The following SLC27A2 variants were observed in gnomAD, a reference collection of about 807,000 sequenced individuals.
SLC27A2 encodes the protein long-chain fatty acid transport protein 2.
A neutral mutation model predicts 60.0 loss-of-function variants in SLC27A2; 54 were observed. The ratio of observed to expected loss-of-function variants is 0.90; its 90% CI spans 0.72 to 1.13. The LOEUF is 1.13. SLC27A2 is among the 50% of genes most tolerant of loss of function. The pLI, the probability that SLC27A2 is intolerant of heterozygous loss-of-function variation, is 0.00. For missense variants in SLC27A2, 739 were observed against 777.6 expected (o/e 0.95, Z 0.59); for synonymous variants, 297 against 297.6 (o/e 1.00, Z 0.02).
At chr15:50,196,061 A>AT (rs2045014266) in intron 1 of SLC27A2, among the ~76,000 whole-genome samples, 4 of 16,716 alleles carry the variant, frequency 2.4e-4, no homozygotes, top group Non-Finnish European at 4.8e-4. Context: ...CTCAAAAAAA[A>AT]AAAAAAAAAA....
intron 4 of SLC27A2, among the ~76,000 whole-genome samples, chr15:50,218,463 G>A (rs1437403346): frequency 1.3e-5 from 2 of 152,108 alleles, no homozygotes; most frequent in South Asian, 2.1e-4. Flanking sequence ...GGCTAATGGA[G>A]TAGCCAATAA....
rs958468385 is a variant in SLC27A2 at position 50,182,236 on chromosome 15, C to A, written c.-192C>A. The A allele has an allele frequency of 9.8e-6, 9 of 915,496 alleles. No homozygotes were observed. The highest frequency in any genetic ancestry group is 1.8e-5 in the African/African-American group (1 of 57,024). 56.7% of individuals were successfully genotyped at this position (915,496 alleles called of 1,614,324 possible). ...CCCCGGCAACGCGCATACGACTACA[C>A]CTGCTCCGGAGCCCGCGGCGGTACC... On this transcript the variant is annotated 5_prime_UTR_variant, in exon 1 of 10. Coordinates refer to ENST00000267842, the MANE Select transcript of SLC27A2 (RefSeq NM_003645.4).
intron 2 of SLC27A2, among the ~76,000 whole-genome samples, chr15:50,200,342 C>T (rs1040738445): frequency 6.6e-6 from 1 of 152,108 alleles, no homozygotes; most frequent in African/African-American, 2.4e-5. Context: ...ACAGGAGGAT[C>T]ACTTGACCTG....
In SLC27A2 at chr15:50,229,057, T is replaced by C. The variant is rs1427842311; in HGVS notation, c.1555+15T>C. The stretch of plus-strand genomic sequence containing the variant: ...GCATGTGCCAGGTATATACAAGATA[T>C]GATCTGTACCTAACCCATAGAGTAA... On this transcript the variant is annotated intron_variant, in intron 8 of 9. Coordinates refer to ENST00000267842, the MANE Select transcript of SLC27A2 (RefSeq NM_003645.4). 2.0e-6 allele frequency: 3 copies of C among 1,487,718 alleles called. No homozygotes were observed. The highest frequency in any genetic ancestry group is 2.7e-6 in the Non-Finnish European group (3 of 1,102,276). 92.2% of individuals were successfully genotyped at this position (1,487,718 alleles called of 1,614,324 possible). A position where few individuals can be genotyped will look rare whatever the true frequency, so the allele number is the denominator to read the frequency against.
chr15:50,209,332 T>C (rs772426451), intron 4 of SLC27A2, among the ~76,000 whole-genome samples: 26 of 151,956 alleles, frequency 1.7e-4, no homozygotes, highest in Non-Finnish European at 5.9e-5. Context: ...GTGGCCAATA[T>C]GACTGGGGCC....
chr15:50,217,045 A>G (rs1336641135), intron 4 of SLC27A2, among the ~76,000 whole-genome samples: 1 of 151,740 alleles, frequency 6.6e-6, no homozygotes, highest in Non-Finnish European at 1.5e-5. Context: ...GAGCTAAACT[A>G]TAAGGAAACA....
intron 6 of SLC27A2, 89 bp from the exon 7 acceptor site, chr15:50,226,891 G>C (rs2045282064): frequency 9.8e-7 from 1 of 1,025,480 alleles, no homozygotes; most frequent in Non-Finnish European, 1.4e-6. Flanking sequence ...CTTGTTGCCA[G>C]CAGGTTGTAT....
At chr15:50,224,699 CTTAAAT>C (rs1263733481) in intron 5 of SLC27A2, among the ~76,000 whole-genome samples, 2 of 152,192 alleles carry the variant, frequency 1.3e-5, no homozygotes, top group East Asian at 3.8e-4. Flanking sequence ...CATGTGGCTA[CTTAAAT>C]TTAAGTTATA....
chr15:50,229,790 A>C (rs16963451), intron 8 of SLC27A2, among the ~76,000 whole-genome samples: 22,104 of 152,208 alleles, frequency 0.15, 1,666 homozygotes, highest in Middle Eastern at 0.18. Flanking sequence ...TTCCAGCCTC[A>C]AAATTACTGT....
At chr15:50,220,452 C>G (rs914907001) in intron 4 of SLC27A2, among the ~76,000 whole-genome samples, 11 of 152,128 alleles carry the variant, frequency 7.2e-5, no homozygotes, top group African/African-American at 2.4e-4. Context: ...TAATCACCAT[C>G]CAATAGACAA....
rs1595691078 is a variant in SLC27A2 at position 50,222,953 on chromosome 15, C to T, written c.973-12C>T. The stretch of plus-strand genomic sequence containing the variant: ...TGTTTCAGTTTGGTCTCCTTCTTCT[C>T]CCCCACCACAGAAACCAAATGACCG... On this transcript the variant is annotated splice_polypyrimidine_tract_variant and intron_variant, in intron 4 of 9. Coordinates refer to ENST00000267842, the MANE Select transcript of SLC27A2 (RefSeq NM_003645.4). 1 of 1,594,608 alleles carries T rather than the reference C, an allele frequency of 6.3e-7. No homozygotes were observed. Among genetic ancestry groups the T allele is most frequent in the Non-Finnish European group, 8.5e-7 (1 of 1,169,824 alleles).
intron 1 of SLC27A2, among the ~76,000 whole-genome samples, chr15:50,191,846 G>T (rs1335962917): frequency 6.6e-6 from 1 of 152,180 alleles, no homozygotes; most frequent in African/African-American, 2.4e-5. Context: ...GATCACTTGA[G>T]GTTGGGAGTT....
intron 1 of SLC27A2, among the ~76,000 whole-genome samples, chr15:50,195,415 C>T (rs1247918848): frequency 2.0e-5 from 3 of 151,944 alleles, no homozygotes; most frequent in African/African-American, 4.8e-5. Context: ...GCTGTGAACC[C>T]GGGAGGCGGA....
chr15:50,204,176 A>G (rs940104958), intron 3 of SLC27A2, among the ~76,000 whole-genome samples: 14 of 152,238 alleles, frequency 9.2e-5, no homozygotes, highest in African/African-American at 3.4e-4. Context: ...AAAATATTGC[A>G]TGAATGGGCC....
At chr15:50,235,288 A>T (rs919801444) in intron 9 of SLC27A2, among the ~76,000 whole-genome samples, 2 of 152,190 alleles carry the variant, frequency 1.3e-5, no homozygotes, top group Non-Finnish European at 2.9e-5. Flanking sequence ...ATTGAAGGAA[A>T]AATCAGTCTT....
chr15:50,236,275 A>G lies in SLC27A2; in HGVS notation c.*179A>G. 2.1e-6 allele frequency: 1 copy of G among 483,946 alleles called. No homozygotes were observed. The highest frequency in any genetic ancestry group is 4.9e-5 in the South Asian group (1 of 20,234). 30.0% of individuals were successfully genotyped at this position (483,946 alleles called of 1,614,324 possible). ...TCTTTGCAAGTAAAAAGATTTAGAG[A>G]TTATTATTTTTCAGTGTGCACCTAC... On this transcript the variant is annotated 3_prime_UTR_variant, in exon 10 of 10. Transcript: ENST00000267842.
At chr15:50,196,565 T>C (rs1567428552) in intron 1 of SLC27A2, among the ~76,000 whole-genome samples, 1 of 152,176 alleles carries the variant, frequency 6.6e-6, no homozygotes, top group Non-Finnish European at 1.5e-5. Context: ...TAAGAACTTC[T>C]CAAGATAAGC....
In SLC27A2 at chr15:50,216,638, A is replaced by G. The variant is rs1454179574; in HGVS notation, c.973-6327A>G. Among the ~76,000 whole-genome samples, 38 of 128,416 alleles carry G rather than the reference A, an allele frequency of 3.0e-4. 1 individual carries two copies. The highest frequency in any genetic ancestry group is 4.9e-4 in the South Asian group (2 of 4,042). The allele number at this position is 128,416 out of a possible 152,430, so 84.2% of individuals were successfully genotyped here. ...TATATATATATATATATATATATAT[A>G]TATATATATATATATATAGTATAGT... On this transcript the variant is annotated intron_variant, in intron 4 of 9. Coordinates refer to ENST00000267842, the MANE Select transcript of SLC27A2 (RefSeq NM_003645.4).
At chr15:50,205,537 T>C (rs893389802) in intron 4 of SLC27A2, among the ~76,000 whole-genome samples, 174 bp downstream of exon 4, 1 of 152,154 alleles carries the variant, frequency 6.6e-6, no homozygotes, top group Non-Finnish European at 1.5e-5. Flanking sequence ...ACTTAGTAGG[T>C]GGGAGTTAAT....
Sources: allele counts gnomAD v4.1 joint callset (sites outside exome capture counted in the v4.1 genomes callset), GRCh38; gene constraint gnomAD v4.1.1; transcripts MANE v1.5; gene names NCBI Gene and HGNC (gene_info 2026-07-23, HGNC 2026-07-21).